The following FAM171A1 variants were observed in gnomAD, a reference collection of about 807,000 sequenced individuals.
The protein encoded by FAM171A1 is family with sequence similarity 171 member A1, also known as protein FAM171A1.
Under a neutral mutation model 74.9 loss-of-function variants are expected in FAM171A1, and 23 were observed. The ratio of observed to expected loss-of-function variants is 0.31; its 90% confidence interval spans 0.22 to 0.44. FAM171A1 has a LOEUF of 0.44. FAM171A1 is among the 20% of genes least tolerant of loss of function. The pLI is 1.00. For synonymous variants in FAM171A1, 527 were observed against 505.7 expected, an observed-to-expected ratio of 1.04 and a Z score of -0.57; for missense variants, 1,162 against 1,159.2, an observed-to-expected ratio of 1.00 and a Z score of -0.03.
At chr10:15,278,190 A>G (rs1482826525) in intron 2 of FAM171A1, among the ~76,000 whole-genome samples, 3 of 152,206 alleles carry the variant, frequency 2.0e-5, no homozygotes, top group African/African-American at 7.2e-5. Flanking sequence ...CCCTGGGTGG[A>G]ACAGATCAGT....
Position 15,229,557 on chromosome 10 carries a change from AC to A in FAM171A1, c.755-8498del, listed in dbSNP as rs1368149074. Reference sequence around the variant, plus strand: ...CATCATCACCATCATCACCATTGTCACCCCCATCACCATCACCAACGTCATC... The same window carrying A: ...CATCATCACCATCATCACCATTGTCACCCCATCACCATCACCAACGTCATC... On this transcript the variant is annotated intron_variant, in intron 5 of 7. Transcript: ENST00000378116. Among the ~76,000 whole-genome samples, 8 of 115,380 alleles carry A rather than the reference AC, an allele frequency of 6.9e-5. 1 individual carries two copies. The highest frequency in any genetic ancestry group is 1.1e-4 in the Non-Finnish European group (6 of 56,380). 75.7% of individuals were successfully genotyped at this position (115,380 alleles called of 152,430 possible).
intron 4 of FAM171A1, among the ~76,000 whole-genome samples, chr10:15,252,689 T>G (rs1201181741): frequency 2.0e-5 from 3 of 152,142 alleles, no homozygotes; most frequent in Admixed American, 2.0e-4. Context: ...GCCTAGTCAT[T>G]TCTAGGTCAA....
chr10:15,252,901 A>G (rs1385768702), intron 4 of FAM171A1, among the ~76,000 whole-genome samples: 1 of 152,240 alleles, frequency 6.6e-6, no homozygotes, highest in African/African-American at 2.4e-5. Flanking sequence ...GAAAAATTTA[A>G]TGAGTCCCGA....
chr10:15,262,180 G>A lies in FAM171A1; in HGVS notation c.419-7301C>T, dbSNP rs569587638. 1.4e-3 allele frequency among the ~76,000 whole-genome samples: 208 copies of A among 152,270 alleles called. 1 individual carries two copies. The highest frequency in any genetic ancestry group is 3.4e-3 in the Middle Eastern group (1 of 292). On this transcript the variant is annotated intron_variant, in intron 3 of 7. Coordinates refer to ENST00000378116, the MANE Select transcript of FAM171A1 (RefSeq NM_001010924.2). ...CAGGGGAGAGCGTGTGGGAGTTACC[G>A]GTAGGGAAGTGAAAGATTCCGATTT...
At chr10:15,226,679 C>T (rs1190853312) in intron 5 of FAM171A1, among the ~76,000 whole-genome samples, 1 of 152,206 alleles carries the variant, frequency 6.6e-6, no homozygotes, top group Non-Finnish European at 1.5e-5. Context: ...CTTCATCCCT[C>T]AGGGTCATAA....
At chr10:15,358,701 G>T (rs1835960304) in intron 1 of FAM171A1, among the ~76,000 whole-genome samples, 1 of 152,148 alleles carries the variant, frequency 6.6e-6, no homozygotes, top group Non-Finnish European at 1.5e-5. Flanking sequence ...CAAGTACCAA[G>T]CCTCCCTCAT....
At chr10:15,350,218 C>T (rs569903045) in intron 1 of FAM171A1, among the ~76,000 whole-genome samples, 16 of 152,280 alleles carry the variant, frequency 1.1e-4, no homozygotes, top group African/African-American at 3.6e-4. Context: ...TAAACTTAGA[C>T]ATCTTAGTTG....
At chr10:15,237,328 G>A (rs11259570) in intron 5 of FAM171A1, among the ~76,000 whole-genome samples, 10 of 152,138 alleles carry the variant, frequency 6.6e-5, no homozygotes, top group East Asian at 1.9e-4. Flanking sequence ...CCCTGAACCC[G>A]ATCATACTAG....
chr10:15,362,560 C>T lies in FAM171A1; in HGVS notation c.97+8396G>A, dbSNP rs1588572487. 2.0e-5 allele frequency among the ~76,000 whole-genome samples: 3 copies of T among 152,170 alleles called. No individual in the cohort carries two copies. In the South Asian group the frequency reaches 6.2e-4, roughly 32 times the overall value. ...GAGATGGGGTGAAACCCCATCTCTA[C>T]TAAAAATACAAAAATTAGCCAGGAG... On this transcript the variant is annotated intron_variant, in intron 1 of 7. Transcript: ENST00000378116.
chr10:15,326,907 C>T (rs1246337184), intron 1 of FAM171A1, among the ~76,000 whole-genome samples: 1 of 152,166 alleles, frequency 6.6e-6, no homozygotes, highest in African/African-American at 2.4e-5. Context: ...GGATTACAGG[C>T]GTGGCCCACG....
chr10:15,323,957 A>T lies in FAM171A1; in HGVS notation c.98-39852T>A, dbSNP rs1835518729. Reference sequence around the variant, plus strand: ...AAAATATAACAGTGAAAAAGTCCACATAGAGCATAAACCATTTCAAAATGG... The same window carrying T: ...AAAATATAACAGTGAAAAAGTCCACTTAGAGCATAAACCATTTCAAAATGG... On this transcript the variant is annotated intron_variant, in intron 1 of 7. Coordinates refer to ENST00000378116, the MANE Select transcript of FAM171A1 (RefSeq NM_001010924.2). Among the ~76,000 whole-genome samples the T allele has an allele frequency of 3.3e-5, 5 of 152,306 alleles. No homozygotes were observed. In the South Asian group the frequency reaches 1.0e-3, roughly 32 times the overall value.
chr10:15,269,498 T>G (rs756459329), intron 3 of FAM171A1, among the ~76,000 whole-genome samples: 19 of 152,108 alleles, frequency 1.2e-4, no homozygotes, highest in Non-Finnish European at 2.1e-4. Flanking sequence ...TAACCCCATA[T>G]CAAGGAAAGC....
At chr10:15,357,010 G>A (rs2131885446) in intron 1 of FAM171A1, among the ~76,000 whole-genome samples, 1 of 152,070 alleles carries the variant, frequency 6.6e-6, no homozygotes, top group South Asian at 2.1e-4. Context: ...CGGGCACAGT[G>A]GCTCATGCCT....
intron 1 of FAM171A1, among the ~76,000 whole-genome samples, chr10:15,342,968 T>C (rs1835781729): frequency 6.6e-6 from 1 of 152,164 alleles, no homozygotes; most frequent in African/African-American, 2.4e-5. Context: ...GTCCTTACCA[T>C]GCACACCCCA....
intron 3 of FAM171A1, among the ~76,000 whole-genome samples, chr10:15,258,695 G>A (rs893905561): frequency 1.3e-5 from 2 of 152,180 alleles, no homozygotes; most frequent in Non-Finnish European, 2.9e-5. Context: ...CTCCATCCTC[G>A]TCGACCTCTT....
chr10:15,299,154 G>C (rs974627617), intron 1 of FAM171A1, among the ~76,000 whole-genome samples: 2 of 152,118 alleles, frequency 1.3e-5, no homozygotes, highest in African/African-American at 4.8e-5. Flanking sequence ...CCCGACCTCA[G>C]GTGATCCGCC....
intron 5 of FAM171A1, among the ~76,000 whole-genome samples, chr10:15,225,576 T>G (rs371094463): frequency 3.3e-5 from 5 of 152,316 alleles, no homozygotes; most frequent in South Asian, 4.1e-4. Flanking sequence ...CACTGTGGGA[T>G]GCAGACAGTT....
At chr10:15,324,236 A>G (rs1835522125) in intron 1 of FAM171A1, among the ~76,000 whole-genome samples, 1 of 151,956 alleles carries the variant, frequency 6.6e-6, no homozygotes, top group Non-Finnish European at 1.5e-5. Flanking sequence ...CTGAGACCCA[A>G]CTTCCTTCCT....
chr10:15,260,242 C>T (rs1021420301), intron 3 of FAM171A1, among the ~76,000 whole-genome samples: 1 of 152,184 alleles, frequency 6.6e-6, no homozygotes, highest in Non-Finnish European at 1.5e-5. Context: ...TTAATCCCAC[C>T]CTAAGCTCTA....
Sources: allele counts gnomAD v4.1 joint callset (sites outside exome capture counted in the v4.1 genomes callset), GRCh38; gene constraint gnomAD v4.1.1; transcripts MANE v1.5; gene names NCBI Gene and HGNC (gene_info 2026-07-23, HGNC 2026-07-21).